Variants in SEMA3E observed in about 807,000 individuals in gnomAD.
SEMA3E encodes semaphorin-3E.
In SEMA3E, 49 loss-of-function variants were observed where a neutral mutation model predicts 93.6. The observed-to-expected ratio is 0.52, with a 90% CI of 0.42 to 0.66. The LOEUF (loss-of-function observed/expected upper bound fraction) is 0.66, where lower values mean the gene tolerates loss of function less well. Among genes scored for constraint, SEMA3E ranks in the 30% least tolerant of loss-of-function variants. The pLI is 0.00. For missense variants in SEMA3E, 906 were observed against 964.8 expected (o/e 0.94, Z 0.81); for synonymous variants, 363 against 330.7 (o/e 1.10, Z -1.06).
intron 1 of SEMA3E, among the ~76,000 whole-genome samples, chr7:83,596,843 G>T (rs998443486): frequency 6.6e-6 from 1 of 152,028 alleles, no homozygotes. Context: ...GTTGTCATAG[G>T]CACAGAAAAG....
chr7:83,499,762 T>G (rs1746755336), intron 1 of SEMA3E, among the ~76,000 whole-genome samples: 1 of 152,216 alleles, frequency 6.6e-6, no homozygotes, highest in Non-Finnish European at 1.5e-5. Context: ...CTTGATTATC[T>G]GGAGTAATTA....
intron 1 of SEMA3E, among the ~76,000 whole-genome samples, chr7:83,566,065 G>A (rs1792145165): frequency 7.9e-4 from 1 of 1,270 alleles, no homozygotes; most frequent in African/African-American, 8.5e-3. Flanking sequence ...GGCACTATGT[G>A]GGCTCACTGC....
intron 2 of SEMA3E, among the ~76,000 whole-genome samples, chr7:83,481,352 A>G (rs1790142156): frequency 6.6e-6 from 1 of 152,154 alleles, no homozygotes; most frequent in South Asian, 2.1e-4. Flanking sequence ...AAAGGACACT[A>G]GAGAAAGCAA....
rs1041182539 is a variant in SEMA3E, at chr7:83,624,729, T to G, written c.115+23699A>C. ...GCTGTGCAGAAGCTCTTTAGTTTCA[T>G]TAGTTCACATTTGTCAATTTCAGCT... is the stretch of plus-strand genomic sequence containing the variant. On this transcript the variant is annotated intron_variant, in intron 1 of 16. Transcript: ENST00000643230. Among the ~76,000 whole-genome samples the G allele has an allele frequency of 3.4e-4, 51 of 152,234 alleles. 2 individuals carry two copies. Among genetic ancestry groups the G allele is most frequent in the Non-Finnish European group, 1.5e-5 (1 of 68,038 alleles).
At chr7:83,386,249 C>G (rs1391357417) in intron 15 of SEMA3E, among the ~76,000 whole-genome samples, 1 of 152,034 alleles carries the variant, frequency 6.6e-6, no homozygotes, top group East Asian at 1.9e-4. Flanking sequence ...TGGGGTCCAA[C>G]AAATTGATGC....
Position 83,366,167 on chromosome 7 carries a change from A to T in SEMA3E, c.*1419T>A, listed in dbSNP as rs990497406. 6.6e-6 allele frequency: 1 copy of T among 152,110 alleles called. No individual in the cohort carries two copies. The highest frequency in any genetic ancestry group is 2.4e-5 in the African/African-American group (1 of 41,452). 9.4% of individuals were successfully genotyped at this position (152,110 alleles called of 1,614,324 possible). On this transcript the variant is annotated 3_prime_UTR_variant, in exon 17 of 17. Transcript: ENST00000643230. The stretch of plus-strand genomic sequence containing the variant: ...CCTATAAGCTAACTTTGAAAACTGA[A>T]ATAAACACTGTTTAAGATTAATATC...
At chr7:83,446,326 A>AGCCTTC (rs1405943027) in intron 4 of SEMA3E, among the ~76,000 whole-genome samples, 1 of 152,222 alleles carries the variant, frequency 6.6e-6, no homozygotes, top group Non-Finnish European at 1.5e-5. Flanking sequence ...GGCATCTTAC[A>AGCCTTC]ATTGTCTCTA....
chr7:83,599,851 T>A (rs367931263), intron 1 of SEMA3E, among the ~76,000 whole-genome samples: 5 of 152,352 alleles, frequency 3.3e-5, no homozygotes, highest in African/African-American at 9.6e-5. Context: ...CAATAAATAG[T>A]ACAATTATTT....
intron 1 of SEMA3E, among the ~76,000 whole-genome samples, chr7:83,535,706 T>C (rs941945971): frequency 6.6e-6 from 1 of 152,182 alleles, no homozygotes; most frequent in Non-Finnish European, 1.5e-5. Context: ...TCAATTACTT[T>C]AATATTTTAT....
chr7:83,526,004 C>CA lies in SEMA3E; in HGVS notation c.116-35731dup, dbSNP rs771303942. ...CATCAATATATTTCTTTAGACTAGT[C>CA]AGATTCCTCTGAGGAGAATATTTCA... On this transcript the variant is annotated intron_variant, in intron 1 of 16. Coordinates refer to ENST00000643230, the MANE Select transcript of SEMA3E (RefSeq NM_012431.3). Among the ~76,000 whole-genome samples, 24 of 151,576 alleles carry CA rather than the reference C, an allele frequency of 1.6e-4. No individual in the cohort carries two copies. The East Asian group carries it at 4.7e-3, about 30-fold the overall frequency.
rs1285602230 is a variant in SEMA3E, at chr7:83,420,946, T to C, written c.457-2463A>G. On this transcript the variant is annotated intron_variant, in intron 4 of 16. Transcript: ENST00000643230. Reference sequence around the variant, plus strand: ...TTTTTGACTTAGTCCTCAAAAGCAATTGCAACAAAAACAAAAACTGACAAG... The same window carrying C: ...TTTTTGACTTAGTCCTCAAAAGCAACTGCAACAAAAACAAAAACTGACAAG... Among the ~76,000 whole-genome samples the C allele has an allele frequency of 2.8e-5, 4 of 140,360 alleles. 2 individuals carry two copies. Among genetic ancestry groups the C allele is most frequent in the Non-Finnish European group, 6.5e-5 (4 of 61,632 alleles). 92.1% of individuals were successfully genotyped at this position (140,360 alleles called of 152,430 possible).
chr7:83,428,221 C>A (rs1788811933), intron 4 of SEMA3E, among the ~76,000 whole-genome samples: 1 of 152,168 alleles, frequency 6.6e-6, no homozygotes, highest in Non-Finnish European at 1.5e-5. Context: ...GATGCCAACT[C>A]AATAAAATGA....
intron 4 of SEMA3E, among the ~76,000 whole-genome samples, chr7:83,441,473 T>C (rs934462853): frequency 1.3e-4 from 20 of 152,190 alleles, no homozygotes; most frequent in African/African-American, 4.8e-4. Flanking sequence ...TTGATGCCAC[T>C]GAAGAATTTA....
At chr7:83,407,484 C>T (rs1158364752) in intron 6 of SEMA3E, among the ~76,000 whole-genome samples, 1 of 151,742 alleles carries the variant, frequency 6.6e-6, no homozygotes, top group African/African-American at 2.4e-5. Context: ...TAAAAGAATC[C>T]AGGAGAGAAG....
intron 1 of SEMA3E, among the ~76,000 whole-genome samples, chr7:83,579,184 T>C (rs1387932088): frequency 1.3e-5 from 2 of 152,152 alleles, no homozygotes; most frequent in Non-Finnish European, 2.9e-5. Context: ...CATTTAAATC[T>C]ATCAGGGCAG....
intron 4 of SEMA3E, among the ~76,000 whole-genome samples, chr7:83,455,789 A>G (rs1232018949): frequency 6.6e-6 from 1 of 152,256 alleles, no homozygotes; most frequent in African/African-American, 2.4e-5. Context: ...AAGGAACTGC[A>G]TGTGACCCCT....
chr7:83,460,835 C>G, intron 4 of SEMA3E, among the ~76,000 whole-genome samples: 1 of 151,398 alleles, frequency 6.6e-6, no homozygotes, highest in African/African-American at 2.4e-5. Flanking sequence ...ACCCCTTTTC[C>G]CACTTTTCTG....
chr7:83,619,960 C>T (rs925017086), intron 1 of SEMA3E, among the ~76,000 whole-genome samples: 2 of 146,674 alleles, frequency 1.4e-5, no homozygotes, highest in Non-Finnish European at 3.0e-5. Flanking sequence ...ACCATGTTTG[C>T]TCTTTTATTA....
intron 1 of SEMA3E, among the ~76,000 whole-genome samples, chr7:83,629,991 C>A (rs1793754687): frequency 6.6e-6 from 1 of 152,174 alleles, no homozygotes; most frequent in Non-Finnish European, 1.5e-5. Flanking sequence ...TGGGCCTGAG[C>A]TCCATCCCTC....
Sources: gnomAD v4.1 joint callset for allele counts (sites outside exome capture counted in the v4.1 genomes callset) on GRCh38, gnomAD v4.1.1 for gene constraint, MANE v1.5 for transcripts, NCBI Gene and HGNC (gene_info 2026-07-23, HGNC 2026-07-21) for gene names.